STXBP5L: variants seen among roughly 807,000 people sequenced by gnomAD.
The protein encoded by STXBP5L is syntaxin binding protein 5L.
A neutral mutation model predicts 144.5 loss-of-function variants in STXBP5L; 65 were observed. The observed-to-expected ratio is 0.45, with a 90% CI of 0.37 to 0.55. The LOEUF (loss-of-function observed/expected upper bound fraction) is 0.55, where lower values mean the gene tolerates loss of function less well. STXBP5L is among the 20% of genes least tolerant of loss of function. The probability of loss-of-function intolerance (pLI) is 0.00; values close to 1 mark genes in which losing one functional copy is unlikely to be tolerated. For synonymous variants in STXBP5L, 505 were observed against 469.6 expected, an observed-to-expected ratio of 1.08 and a Z score of -0.97; for missense variants, 1,298 against 1,405.5, an observed-to-expected ratio of 0.92 and a Z score of 1.22.
chr3:120,919,388 G>A (rs1376719543), intron 2 of STXBP5L, among the ~76,000 whole-genome samples: 3 of 152,002 alleles, frequency 2.0e-5, no homozygotes, highest in African/African-American at 7.2e-5. Flanking sequence ...TATACTTGAA[G>A]AACTGAGTTG....
chr3:121,187,500 T>C (rs1171262654), intron 9 of STXBP5L, among the ~76,000 whole-genome samples: 1 of 151,026 alleles, frequency 6.6e-6, no homozygotes, highest in Non-Finnish European at 1.5e-5. Context: ...ATGGCACATG[T>C]ATACATATGT....
intron 3 of STXBP5L, among the ~76,000 whole-genome samples, chr3:120,984,037 GCT>G (rs894425430): frequency 2.6e-5 from 4 of 152,126 alleles, no homozygotes; most frequent in African/African-American, 9.7e-5. Context: ...TCAGCATCCT[GCT>G]CTTTGTTCCT....
chr3:121,091,853 G>A (rs1479568811), intron 5 of STXBP5L, among the ~76,000 whole-genome samples: 1 of 152,148 alleles, frequency 6.6e-6, no homozygotes, highest in Non-Finnish European at 1.5e-5. Context: ...CCTTGCCCAT[G>A]CCTATGTCCT....
At chr3:121,188,304 A>G (rs1348412457) in intron 9 of STXBP5L, among the ~76,000 whole-genome samples, 2 of 152,184 alleles carry the variant, frequency 1.3e-5, no homozygotes, top group African/African-American at 4.8e-5. Flanking sequence ...CTCCTCAGCA[A>G]ATGTAAAAGA....
Position 120,932,817 on chromosome 3 carries a change from G to T in STXBP5L, c.190-22123G>T, listed in dbSNP as rs536570114. Among the ~76,000 whole-genome samples the T allele has an allele frequency of 3.6e-4, 55 of 152,016 alleles. No homozygotes were observed. In the South Asian group the frequency reaches 0.01, roughly 29 times the overall value. On this transcript the variant is annotated intron_variant, in intron 2 of 26. Coordinates refer to ENST00000471454, the MANE Select transcript of STXBP5L (RefSeq NM_001308330.2). The stretch of plus-strand genomic sequence containing the variant: ...CAACCCAAATGTCCAACAATGATAG[G>T]CTGGATTAAGAAAATGTGGCACATA...
At chr3:121,282,144 G>T in intron 19 of STXBP5L, 2 of 656,678 alleles carry the variant, frequency 3.0e-6, no homozygotes, top group South Asian at 2.7e-5. Context: ...ACCTAATCTT[G>T]CTGCAATTTC....
At chr3:121,048,136 C>G (rs1254181379) in intron 5 of STXBP5L, among the ~76,000 whole-genome samples, 1 of 152,050 alleles carries the variant, frequency 6.6e-6, no homozygotes, top group Non-Finnish European at 1.5e-5. Context: ...GAAATTCTTG[C>G]TTGGAAATTG....
intron 20 of STXBP5L, among the ~76,000 whole-genome samples, chr3:121,330,484 C>G (rs547918615): frequency 6.6e-6 from 1 of 152,194 alleles, no homozygotes; most frequent in Non-Finnish European, 1.5e-5. Context: ...TCTACCCACC[C>G]TAATGGCTTA....
intron 3 of STXBP5L, among the ~76,000 whole-genome samples, chr3:121,037,389 A>G (rs1946837342): frequency 1.3e-5 from 2 of 151,982 alleles, no homozygotes; most frequent in South Asian, 4.1e-4. Flanking sequence ...CTGGGATCAC[A>G]GGTATGTGCC....
At chr3:121,186,220 A>G (rs994764497) in intron 9 of STXBP5L, among the ~76,000 whole-genome samples, 32 of 152,108 alleles carry the variant, frequency 2.1e-4, no homozygotes, top group Non-Finnish European at 4.4e-4. Context: ...GGTTTTCTAG[A>G]TATATAATCA....
At chr3:121,182,067 G>A (rs1170276099) in intron 9 of STXBP5L, among the ~76,000 whole-genome samples, 1 of 152,086 alleles carries the variant, frequency 6.6e-6, no homozygotes, top group East Asian at 1.9e-4. Flanking sequence ...TGGCAACACA[G>A]TAATGGTGGG....
At chr3:120,959,382 A>C (rs1938463319) in intron 3 of STXBP5L, among the ~76,000 whole-genome samples, 1 of 152,244 alleles carries the variant, frequency 6.6e-6, no homozygotes, top group Admixed American at 6.5e-5. Context: ...GACTTTCTTC[A>C]CAGAACTGGA....
intron 9 of STXBP5L, among the ~76,000 whole-genome samples, chr3:121,169,241 A>G (rs2046614428): frequency 1.3e-5 from 2 of 152,232 alleles, no homozygotes; most frequent in Non-Finnish European, 2.9e-5. Flanking sequence ...AAACATACCA[A>G]ATTGTAAGGA....
intron 5 of STXBP5L, among the ~76,000 whole-genome samples, chr3:121,097,100 C>G (rs2043168455): frequency 6.6e-6 from 1 of 152,196 alleles, no homozygotes; most frequent in Non-Finnish European, 1.5e-5. Context: ...CTGCCCAGTT[C>G]AAACTTCCTG....
At chr3:121,330,482 C>T (rs1217871989) in intron 20 of STXBP5L, among the ~76,000 whole-genome samples, 1 of 152,198 alleles carries the variant, frequency 6.6e-6, no homozygotes, top group Non-Finnish European at 1.5e-5. Context: ...CCTCTACCCA[C>T]CCTAATGGCT....
chr3:121,282,867 A>T (rs1418405431), intron 19 of STXBP5L, among the ~76,000 whole-genome samples: 1 of 152,048 alleles, frequency 6.6e-6, no homozygotes, highest in African/African-American at 2.4e-5. Flanking sequence ...GATTTAAGGC[A>T]CTCAGACATT....
intron 19 of STXBP5L, among the ~76,000 whole-genome samples, chr3:121,305,060 A>G (rs1421458587): frequency 6.6e-6 from 1 of 152,136 alleles, no homozygotes; most frequent in African/African-American, 2.4e-5. Flanking sequence ...AGAAATTGAC[A>G]ATTTAGATGA....
intron 4 of STXBP5L, among the ~76,000 whole-genome samples, 200 bp downstream of exon 4, chr3:121,041,981 G>A (rs146050336): frequency 2.0e-5 from 3 of 152,130 alleles, no homozygotes; most frequent in African/African-American, 7.2e-5. Context: ...GATTGTATAT[G>A]CCATATTCTG....
At chr3:121,259,327 G>T (rs1404887819) in intron 18 of STXBP5L, among the ~76,000 whole-genome samples, 159 bp downstream of exon 18, 3 of 151,972 alleles carry the variant, frequency 2.0e-5, no homozygotes, top group Non-Finnish European at 4.4e-5. Flanking sequence ...TTACATTATG[G>T]TTTTTTGTTC....
Sources: gnomAD v4.1 joint callset for allele counts (sites outside exome capture counted in the v4.1 genomes callset) on GRCh38, gnomAD v4.1.1 for gene constraint, MANE v1.5 for transcripts, NCBI Gene and HGNC (gene_info 2026-07-23, HGNC 2026-07-21) for gene names.